Variants in ARFGAP3 observed in about 807,000 individuals in gnomAD.
The protein encoded by ARFGAP3 is ADP-ribosylation factor GTPase-activating protein 3.
In ARFGAP3, 72 loss-of-function variants were observed where a neutral mutation model predicts 75.0. The observed-to-expected ratio is 0.96, with a 90% CI of 0.79 to 1.17. The LOEUF (loss-of-function observed/expected upper bound fraction) is 1.17. Ranked by LOEUF, ARFGAP3 falls within the 50% of genes most tolerant of loss-of-function variation. ARFGAP3 has a pLI of 0.00. For synonymous variants in ARFGAP3, 221 were observed against 217.9 expected, an observed-to-expected ratio of 1.01 and a Z score of -0.13; for missense variants, 620 against 626.6, an observed-to-expected ratio of 0.99 and a Z score of 0.11.
chr22:42,826,462 C>A (rs1926042853), intron 7 of ARFGAP3, among the ~76,000 whole-genome samples: 1 of 152,028 alleles, frequency 6.6e-6, no homozygotes, highest in Admixed American at 6.6e-5. Context: ...TCACTGCAGC[C>A]TCAACCTCCC....
In ARFGAP3 at chr22:42,857,262, C is replaced by A; in HGVS notation, c.-80G>T. 6.8e-7 allele frequency: 1 copy of A among 1,468,558 alleles called. No individual in the cohort carries two copies. The highest frequency in any genetic ancestry group is 9.1e-7 in the Non-Finnish European group (1 of 1,103,588). 91.0% of individuals were successfully genotyped at this position (1,468,558 alleles called of 1,614,324 possible). ...AAAGCGGCTACCGCCTCAGCAGGAG[C>A]GACGAGGCCGCGGGGGCGGGGCTGC... On this transcript the variant is annotated 5_prime_UTR_variant, in exon 1 of 16. Transcript: ENST00000263245.
In ARFGAP3 at chr22:42,831,618, C is replaced by T. The variant is rs546051035; in HGVS notation, c.496G>A (p.Ala166Thr). The T allele has an allele frequency of 5.6e-6, 9 of 1,614,060 alleles. No homozygotes were observed. The East Asian group carries it at 8.9e-5, about 16-fold the overall frequency. The stretch of plus-strand genomic sequence containing the variant: ...GAAGATGGTTCTGCTATTGCTGATG[C>T]CCACGCTGTGTCACTCACCTGAAAC... ...VSPEVSDTAWASAIAEPSSLT... is the reference protein window; with the variant it reads ...VSPEVSDTAWTSAIAEPSSLT... Residue 166 changes from alanine to threonine, a missense_variant, in exon 6 of 16, where the codon GCA (alanine) becomes ACA (threonine). Physicochemically the swap from Ala to Thr is moderately conservative, Grantham distance 58. Transcript: ENST00000263245.
chr22:42,817,975 TAACA>T, intron 9 of ARFGAP3, 118 bp from the exon 10 acceptor site: 1 of 1,286,590 alleles, frequency 7.8e-7, no homozygotes, highest in East Asian at 2.9e-5. Flanking sequence ...TTTCCATAAT[TAACA>T]ATTATGAAGG....
chr22:42,823,603 T>C (rs967612134), intron 8 of ARFGAP3, 53 bp downstream of exon 8: 11 of 1,323,210 alleles, frequency 8.3e-6, no homozygotes, highest in Admixed American at 2.6e-5. Flanking sequence ...AGCGGCTTTT[T>C]AGTTTTAAAG....
Position 42,837,675 on chromosome 22 carries a change from C to CTTTTTTTTTTTTTTTTTTT in ARFGAP3, c.262-2201_262-2183dup, listed in dbSNP as rs71186547. On this transcript the variant is annotated intron_variant, in intron 3 of 15. Transcript: ENST00000263245. Reference sequence around the variant, plus strand: ...GCCTTGAAACATCTAAGGCATACTTCTTTTTTTTTTTTTTTTTTTTTTGAG... The same window carrying CTTTTTTTTTTTTTTTTTTT: ...GCCTTGAAACATCTAAGGCATACTTCTTTTTTTTTTTTTTTTTTTTTTTTTTTTTTTTTTTTTTTTTGAG... Among the ~76,000 whole-genome samples, 236 of 75,662 alleles carry CTTTTTTTTTTTTTTTTTTT rather than the reference C, an allele frequency of 3.1e-3. 29 individuals carry two copies. The highest frequency in any genetic ancestry group is 0.011 in the East Asian group (18 of 1,632). 49.6% of individuals were successfully genotyped at this position (75,662 alleles called of 152,430 possible).
intron 14 of ARFGAP3, among the ~76,000 whole-genome samples, chr22:42,806,060 C>T (rs1925106904): frequency 6.6e-6 from 1 of 152,244 alleles, no homozygotes; most frequent in Admixed American, 6.5e-5. Context: ...CAGCTGTTCT[C>T]TGTGGCTGTA....
Position 42,797,504 on chromosome 22 carries a change from C to G in ARFGAP3, c.*84G>C, listed in dbSNP as rs73176807. The G allele has an allele frequency of 6.4e-7, 1 of 1,557,266 alleles. No homozygotes were observed. Among genetic ancestry groups the G allele is most frequent in the Non-Finnish European group, 8.8e-7 (1 of 1,130,082 alleles). ...GTAGCAAAACAATCTGCAAAACTAT[C>G]TGGACTTCACTGCCGCCTGAGATGT... is the stretch of plus-strand genomic sequence containing the variant. On this transcript the variant is annotated 3_prime_UTR_variant, in exon 16 of 16. Coordinates refer to ENST00000263245, the MANE Select transcript of ARFGAP3 (RefSeq NM_014570.5).
intron 9 of ARFGAP3, among the ~76,000 whole-genome samples, chr22:42,820,090 C>A (rs1294705322): frequency 6.6e-6 from 1 of 152,182 alleles, no homozygotes; most frequent in African/African-American, 2.4e-5. Context: ...ATCCAGCTTA[C>A]CTGCAGCTTC....
Position 42,822,312 on chromosome 22 carries a change from T to G in ARFGAP3, c.770A>C (p.Glu257Ala). Residue 257 changes from glutamate to alanine, a missense_variant, in exon 9 of 16, where the codon GAG becomes GCG. Transcript: ENST00000263245. ...TACCACCTTGGCCAGGTCTTCCTGC[T>G]CCTTCATTTTATCCGCAGCTTGAGC... The part of the protein sequence containing the change: ...KQAQAADKMK[E>A]QEDLAKVVSK... 6.2e-7 allele frequency: 1 copy of G among 1,614,182 alleles called. No individual in the cohort carries two copies. The highest frequency in any genetic ancestry group is 8.5e-7 in the Non-Finnish European group (1 of 1,180,030).
At chr22:42,844,251 T>C (rs1454370621) in intron 2 of ARFGAP3, among the ~76,000 whole-genome samples, 3 of 151,924 alleles carry the variant, frequency 2.0e-5, no homozygotes, top group African/African-American at 7.2e-5. Context: ...TCACCCAGAC[T>C]GAAGTGAAGT....
chr22:42,827,147 C>T (rs1296238414), intron 6 of ARFGAP3, 148 bp from the exon 7 acceptor site: 11 of 1,287,170 alleles, frequency 8.5e-6, no homozygotes, highest in Middle Eastern at 2.7e-4. Context: ...TCTATTTTAA[C>T]GTTATAAGAA....
intron 14 of ARFGAP3, among the ~76,000 whole-genome samples, chr22:42,802,440 C>A (rs1420017907): frequency 6.6e-6 from 1 of 150,674 alleles, no homozygotes; most frequent in Non-Finnish European, 1.5e-5. Flanking sequence ...TGCCCGCCAC[C>A]ACGCCCAGAT....
intron 1 of ARFGAP3, among the ~76,000 whole-genome samples, chr22:42,855,208 G>C (rs1481197367): frequency 6.6e-6 from 1 of 152,166 alleles, no homozygotes; most frequent in Non-Finnish European, 1.5e-5. Context: ...TCTCTCAAAA[G>C]CCTCTTGATA....
intron 1 of ARFGAP3, among the ~76,000 whole-genome samples, chr22:42,856,012 G>A (rs967749621): frequency 1.3e-5 from 2 of 152,156 alleles, no homozygotes; most frequent in South Asian, 2.1e-4. Flanking sequence ...CTACACTTCA[G>A]CCTGGGTGAC....
intron 4 of ARFGAP3, among the ~76,000 whole-genome samples, chr22:42,835,125 C>G (rs1926460900): frequency 6.6e-6 from 1 of 152,076 alleles, no homozygotes; most frequent in South Asian, 2.1e-4. Flanking sequence ...AAAATGAGAC[C>G]AGAGCTTATA....
chr22:42,802,703 G>A (rs1425041595), intron 14 of ARFGAP3, among the ~76,000 whole-genome samples: 22 of 149,760 alleles, frequency 1.5e-4, no homozygotes, highest in Non-Finnish European at 2.8e-4. Flanking sequence ...CCAGGTTCAC[G>A]CCATTCTCCT....
At chr22:42,807,507 C>T (rs2146530713) in intron 13 of ARFGAP3, among the ~76,000 whole-genome samples, 1 of 152,316 alleles carries the variant, frequency 6.6e-6, no homozygotes, top group African/African-American at 2.4e-5. Flanking sequence ...TTTCCAAGCC[C>T]CATGACACTA....
chr22:42,827,628 A>C (rs1206926966), intron 6 of ARFGAP3, among the ~76,000 whole-genome samples: 1 of 152,224 alleles, frequency 6.6e-6, no homozygotes, highest in African/African-American at 2.4e-5. Flanking sequence ...GGCCTCCCGA[A>C]GTGCCAGGAT....
intron 12 of ARFGAP3, 160 bp from the exon 13 acceptor site, chr22:42,809,050 T>A (rs955947425): frequency 3.5e-6 from 2 of 567,210 alleles, no homozygotes; most frequent in Non-Finnish European, 2.2e-6. Context: ...AAAAAAAGAA[T>A]AAATACCCAA....
Sources: allele counts gnomAD v4.1 joint callset (sites outside exome capture counted in the v4.1 genomes callset), GRCh38; gene constraint gnomAD v4.1.1; transcripts MANE v1.5; gene names NCBI Gene and HGNC (gene_info 2026-07-23, HGNC 2026-07-21).